Variants in CDH12 observed in about 807,000 individuals in gnomAD.
CDH12 encodes the protein cadherin 12, also known as cadherin-12.
CDH12 carries 41 observed loss-of-function variants against 74.1 expected under a neutral mutation model. The ratio of observed to expected loss-of-function variants is 0.55; its 90% CI spans 0.43 to 0.72. The LOEUF (loss-of-function observed/expected upper bound fraction) is 0.72. Among genes scored for constraint, CDH12 ranks in the 30% least tolerant of loss-of-function variants. CDH12 has a pLI of 0.00. For missense variants in CDH12, 945 were observed against 977.2 expected, an observed-to-expected ratio of 0.97 and a Z score of 0.44; for synonymous variants, 399 against 355.0, an observed-to-expected ratio of 1.12 and a Z score of -1.39.
chr5:22,584,448 A>C (rs1740269486), intron 1 of CDH12, among the ~76,000 whole-genome samples: 1 of 152,084 alleles, frequency 6.6e-6, no homozygotes, highest in South Asian at 2.1e-4. Context: ...TATTTTAGTG[A>C]AACTATAATT....
intron 3 of CDH12, among the ~76,000 whole-genome samples, chr5:22,243,033 T>C (rs965721476): frequency 3.3e-5 from 5 of 152,186 alleles, no homozygotes; most frequent in African/African-American, 1.2e-4. Context: ...TTGTCTTTGT[T>C]AAACTTGTAT....
At chr5:21,930,085 A>G (rs1241032734) in intron 6 of CDH12, among the ~76,000 whole-genome samples, 1 of 152,230 alleles carries the variant, frequency 6.6e-6, no homozygotes, top group Non-Finnish European at 1.5e-5. Flanking sequence ...CATAGTAAAT[A>G]TGGATAATCT....
chr5:22,722,965 G>A (rs1273876287), intron 1 of CDH12, among the ~76,000 whole-genome samples: 2 of 152,106 alleles, frequency 1.3e-5, no homozygotes, highest in Non-Finnish European at 2.9e-5. Context: ...CCTAAATGAA[G>A]CTTCATTTCA....
chr5:22,198,600 C>T (rs1309935907), intron 4 of CDH12, among the ~76,000 whole-genome samples: 1 of 151,924 alleles, frequency 6.6e-6, no homozygotes, highest in African/African-American at 2.4e-5. Context: ...ATGAGTAACT[C>T]CAGGACCTAT....
intron 1 of CDH12, chr5:22,580,653 G>T: frequency 2.3e-6 from 1 of 444,036 alleles, no homozygotes; most frequent in Non-Finnish European, 4.5e-6. Flanking sequence ...AATAGGCACA[G>T]CCTGAACAAA....
chr5:22,641,263 A>G (rs959017219), intron 1 of CDH12, among the ~76,000 whole-genome samples: 2 of 152,178 alleles, frequency 1.3e-5, no homozygotes, highest in Non-Finnish European at 2.9e-5. Context: ...GTCCAAGGCC[A>G]AAGTCCTGAG....
chr5:22,812,009 A>T (rs2126451040), intron 1 of CDH12, among the ~76,000 whole-genome samples: 1 of 152,308 alleles, frequency 6.6e-6, no homozygotes, highest in African/African-American at 2.4e-5. Flanking sequence ...CAAATAAAAA[A>T]ACATCTATGC....
At chr5:22,062,658 T>G (rs1017504996) in intron 5 of CDH12, among the ~76,000 whole-genome samples, 3 of 152,164 alleles carry the variant, frequency 2.0e-5, no homozygotes, top group African/African-American at 7.2e-5. Context: ...TTGAATACAC[T>G]GCAAAGGTTC....
chr5:22,662,179 A>T (rs1740381939), intron 1 of CDH12, among the ~76,000 whole-genome samples: 2 of 152,174 alleles, frequency 1.3e-5, no homozygotes, highest in Admixed American at 1.3e-4. Flanking sequence ...AAGAAATGAG[A>T]TATTACCTTT....
In CDH12 at chr5:21,842,339, A is replaced by C. The variant is rs753360712; in HGVS notation, c.647-11T>G. 1 of 1,558,564 alleles carries C rather than the reference A, an allele frequency of 6.4e-7. No individual in the cohort carries two copies. Among genetic ancestry groups the C allele is most frequent in the Admixed American group, 1.9e-5 (1 of 51,652 alleles). On this transcript the variant is annotated splice_polypyrimidine_tract_variant and intron_variant, in intron 7 of 14. Transcript: ENST00000382254. ...CTGTTCTAATAACACCTTAAGGGATAAAAGCAATAATGTAAAATAAATATC... is the reference window on the plus strand; with the variant it reads ...CTGTTCTAATAACACCTTAAGGGATCAAAGCAATAATGTAAAATAAATATC...
intron 2 of CDH12, among the ~76,000 whole-genome samples, chr5:22,420,332 T>C (rs13085056): frequency 6.6e-6 from 1 of 152,302 alleles, no homozygotes; most frequent in South Asian, 2.1e-4. Flanking sequence ...CTTTAATCCA[T>C]TTTTAGTTAA....
chr5:22,334,696 C>T (rs1298625451), intron 3 of CDH12, among the ~76,000 whole-genome samples: 1 of 152,064 alleles, frequency 6.6e-6, no homozygotes, highest in Non-Finnish European at 1.5e-5. Context: ...AATAAATCCA[C>T]AAATCTACAG....
At chr5:22,106,547 A>G (rs371248950) in intron 4 of CDH12, among the ~76,000 whole-genome samples, 9 of 152,238 alleles carry the variant, frequency 5.9e-5, no homozygotes, top group South Asian at 2.1e-4. Flanking sequence ...CACTCTTCTA[A>G]AAACTTTATG....
chr5:22,173,034 G>T (rs1390690468), intron 4 of CDH12, among the ~76,000 whole-genome samples: 1 of 151,338 alleles, frequency 6.6e-6, no homozygotes, highest in Non-Finnish European at 1.5e-5. Context: ...AAATTGACAT[G>T]TGAGGATTAA....
intron 6 of CDH12, among the ~76,000 whole-genome samples, chr5:21,870,716 G>T (rs1751575056): frequency 6.6e-6 from 1 of 152,058 alleles, no homozygotes; most frequent in South Asian, 2.1e-4. Context: ...CAGCATATAA[G>T]GTATTTTACA....
In CDH12 at chr5:21,817,211, G is replaced by A. The variant is rs1310783951; in HGVS notation, c.815-79C>T. The A allele has an allele frequency of 3.2e-6, 3 of 931,316 alleles. No homozygotes were observed. In the African/African-American group the frequency reaches 5.0e-5, roughly 16 times the overall value. The allele number at this position is 931,316 out of a possible 1,614,324, so 57.7% of individuals were successfully genotyped here. ...AAGATTACAAGGCTTGAAAAATAGA[G>A]TCCACTGAAAGTAAATCACATTTAG... On this transcript the variant is annotated intron_variant, in intron 8 of 14. Coordinates refer to ENST00000382254, the MANE Select transcript of CDH12 (RefSeq NM_004061.5).
chr5:21,796,366 T>C (rs1746780074), intron 10 of CDH12, among the ~76,000 whole-genome samples: 3 of 118,962 alleles, frequency 2.5e-5, no homozygotes, highest in Admixed American at 9.2e-5. Context: ...TGTAATTTAT[T>C]GAATGCTGAA....
At chr5:22,549,303 G>A (rs1738463768) in intron 1 of CDH12, among the ~76,000 whole-genome samples, 1 of 151,618 alleles carries the variant, frequency 6.6e-6, no homozygotes, top group African/African-American at 2.4e-5. Context: ...TTACTTTTGT[G>A]CCACTCAGCC....
chr5:22,103,329 A>T (rs1329345089), intron 4 of CDH12, among the ~76,000 whole-genome samples: 1 of 113,976 alleles, frequency 8.8e-6, no homozygotes, highest in African/African-American at 3.3e-5. Flanking sequence ...ATAGGTTAAC[A>T]TTGAACTTAA....
Sources: allele counts gnomAD v4.1 joint callset (sites outside exome capture counted in the v4.1 genomes callset), GRCh38; gene constraint gnomAD v4.1.1; transcripts MANE v1.5; gene names NCBI Gene and HGNC (gene_info 2026-07-23, HGNC 2026-07-21).